The following FBXW8 variants were observed in gnomAD, a reference collection of about 807,000 sequenced individuals.
FBXW8 encodes F-box/WD repeat-containing protein 8.
A neutral mutation model predicts 65.3 loss-of-function variants in FBXW8; 57 were observed. The ratio of observed to expected loss-of-function variants is 0.87; its 90% CI spans 0.71 to 1.09. FBXW8 has a LOEUF of 1.09. FBXW8 is among the 50% of genes least tolerant of loss of function. FBXW8 has a pLI of 0.00. For missense variants in FBXW8, 777 were observed against 814.8 expected (o/e 0.95, Z 0.57); for synonymous variants, 308 against 330.2 (o/e 0.93, Z 0.73).
Position 116,928,004 on chromosome 12 carries a change from CT to C in FBXW8, c.319-9del, listed in dbSNP as rs58622490. ...ATATCTAAAAATTATAAACTTCTTT[CT>C]TTTTTTTTTCCCCTCAGAATGAAAT... On this transcript the variant is annotated intron_variant, in intron 1 of 10. Transcript: ENST00000652555. 9,196 of 1,276,620 alleles carry C rather than the reference CT, an allele frequency of 7.2e-3. 6 individuals are homozygous for C. The highest frequency in any genetic ancestry group is 0.02 in the East Asian group (741 of 36,506). The allele number at this position is 1,276,620 out of a possible 1,614,324, so 79.1% of individuals were successfully genotyped here.
chr12:116,978,878 C>T (rs1298684791), intron 5 of FBXW8: 1 of 152,082 alleles, frequency 6.6e-6, no homozygotes, highest in Non-Finnish European at 1.5e-5. Context: ...TACCATTATG[C>T]TAAAAAGTAA....
At chr12:116,952,534 T>C (rs4767478) in intron 4 of FBXW8, among the ~76,000 whole-genome samples, 105,870 of 152,104 alleles carry the variant, frequency 0.7, 40,828 homozygotes, top group Non-Finnish European at 0.85. Flanking sequence ...TCTCTAGCAC[T>C]GTAGCCTAGC....
chr12:116,984,809 A>C (rs1411132480), intron 5 of FBXW8, among the ~76,000 whole-genome samples: 1 of 152,168 alleles, frequency 6.6e-6, no homozygotes, highest in Non-Finnish European at 1.5e-5. Context: ...CCTGGGCAAC[A>C]TAGTGAGACT....
intron 5 of FBXW8, among the ~76,000 whole-genome samples, chr12:116,976,228 C>T (rs1185902307): frequency 2.0e-5 from 3 of 151,976 alleles, no homozygotes; most frequent in African/African-American, 4.8e-5. Flanking sequence ...ATGTGCTTGC[C>T]GCTTTTCTGC....
In FBXW8 at chr12:116,994,233, A is replaced by AAGT. The variant is rs939522613; in HGVS notation, c.1239+5366_1239+5368dup. Among the ~76,000 whole-genome samples the AAGT allele has an allele frequency of 3.3e-5, 5 of 152,146 alleles. No homozygotes were observed. The East Asian group carries it at 9.6e-4, about 29-fold the overall frequency. ...ATAAAAGTAGATGGTACTGGTGTAA[A>AAGT]AGTACTGGTGTAAAAGTAGATATGT... On this transcript the variant is annotated intron_variant, in intron 7 of 10. Transcript: ENST00000652555.
intron 7 of FBXW8, among the ~76,000 whole-genome samples, chr12:117,001,789 G>T (rs956734506): frequency 6.6e-6 from 1 of 152,228 alleles, no homozygotes; most frequent in Admixed American, 6.5e-5. Context: ...CTCTTCGCTG[G>T]ACTCACTGCT....
chr12:116,912,909 T>C (rs1275088175), intron 1 of FBXW8, among the ~76,000 whole-genome samples: 3 of 152,246 alleles, frequency 2.0e-5, no homozygotes, highest in Non-Finnish European at 2.9e-5. Flanking sequence ...AATTCGAATA[T>C]AACAATCCTG....
Position 117,028,386 on chromosome 12 carries a change from C to T in FBXW8, c.*214C>T. On this transcript the variant is annotated 3_prime_UTR_variant, in exon 11 of 11. Coordinates refer to ENST00000652555, the MANE Select transcript of FBXW8 (RefSeq NM_153348.3). The surrounding 1 kb of genome is among the most constrained non-coding windows in gnomAD (Gnocchi z 4.1). The stretch of plus-strand genomic sequence containing the variant: ...CCAGGGCTCGAGTCCCACGTGCTGC[C>T]AACTCAAACATAGCCTCCTTCCCCA... 1.6e-6 allele frequency: 1 copy of T among 606,460 alleles called. No homozygotes were observed. Among genetic ancestry groups the T allele is most frequent in the Admixed American group, 3.0e-5 (1 of 33,264 alleles). The allele number at this position is 606,460 out of a possible 1,614,324, so 37.6% of individuals were successfully genotyped here.
intron 4 of FBXW8, among the ~76,000 whole-genome samples, chr12:116,964,333 G>C (rs541917607): frequency 3.3e-5 from 5 of 152,234 alleles, no homozygotes; most frequent in East Asian, 1.9e-4. Context: ...GTGCGTTTGT[G>C]GGTAAATAGT....
chr12:116,920,562 A>AT (rs1880814856), intron 1 of FBXW8, among the ~76,000 whole-genome samples: 1 of 152,288 alleles, frequency 6.6e-6, no homozygotes, highest in East Asian at 1.9e-4. Context: ...AGGGGCTGTA[A>AT]TTTTAAATAG....
intron 7 of FBXW8, among the ~76,000 whole-genome samples, chr12:117,007,548 C>T (rs1380460177): frequency 6.6e-6 from 1 of 152,202 alleles, no homozygotes; most frequent in African/African-American, 2.4e-5. Context: ...TTAAAAGGAA[C>T]CATCCTCAAC....
chr12:116,944,538 T>C (rs1882805702), intron 2 of FBXW8, among the ~76,000 whole-genome samples: 1 of 152,168 alleles, frequency 6.6e-6, no homozygotes, highest in African/African-American at 2.4e-5. Context: ...ATGGCAAGCA[T>C]CAGGCACTTG....
intron 7 of FBXW8, among the ~76,000 whole-genome samples, chr12:117,000,270 C>G (rs367570944): frequency 6.6e-6 from 1 of 152,222 alleles, no homozygotes; most frequent in African/African-American, 2.4e-5. Flanking sequence ...GCCACCGCAC[C>G]CAGCCTGCAT....
intron 8 of FBXW8, among the ~76,000 whole-genome samples, chr12:117,020,899 T>C (rs1412885368): frequency 6.6e-6 from 1 of 152,240 alleles, no homozygotes; most frequent in Non-Finnish European, 1.5e-5. Flanking sequence ...ACTGTCAACA[T>C]GTTGTCTGAA....
At chr12:117,010,524 A>G in intron 8 of FBXW8, 74 bp downstream of exon 8, 1 of 1,600,270 alleles carries the variant, frequency 6.2e-7, no homozygotes, top group Non-Finnish European at 8.5e-7. Flanking sequence ...TGCGCTGCTC[A>G]CACTGCCCGG....
At chr12:116,973,532 A>G (rs1363164694) in intron 5 of FBXW8, among the ~76,000 whole-genome samples, 1 of 152,232 alleles carries the variant, frequency 6.6e-6, no homozygotes, top group African/African-American at 2.4e-5. Flanking sequence ...GCAGTGAGAA[A>G]AAACACAGAA....
chr12:116,953,785 CA>C (rs367968918), intron 4 of FBXW8, among the ~76,000 whole-genome samples: 4 of 143,162 alleles, frequency 2.8e-5, no homozygotes, highest in African/African-American at 5.2e-5. Flanking sequence ...AAAAAAAAGA[CA>C]AAAAAACAAA....
chr12:116,964,465 C>T (rs761247067), intron 4 of FBXW8, among the ~76,000 whole-genome samples: 30 of 152,198 alleles, frequency 2.0e-4, no homozygotes, highest in Non-Finnish European at 3.5e-4. Flanking sequence ...TTATTGTTTT[C>T]TCATTTGAAA....
At chr12:117,025,168 G>A (rs1954194646) in intron 9 of FBXW8, among the ~76,000 whole-genome samples, 1 of 152,162 alleles carries the variant, frequency 6.6e-6, no homozygotes, top group Non-Finnish European at 1.5e-5. Context: ...CGGCCCTCTC[G>A]CTTGCTGCCC....
Sources: allele counts gnomAD v4.1 joint callset (sites outside exome capture counted in the v4.1 genomes callset), GRCh38; gene constraint gnomAD v4.1.1; non-coding constraint Gnocchi (gnomAD v3.1); transcripts MANE v1.5; gene names NCBI Gene and HGNC (gene_info 2026-07-23, HGNC 2026-07-21).